The following C2CD2 variants were observed in gnomAD, a reference collection of about 807,000 sequenced individuals.
C2CD2 encodes C2 domain-containing protein 2.
A neutral mutation model predicts 74.3 loss-of-function variants in C2CD2; 43 were observed. The ratio of observed to expected loss-of-function variants is 0.58; its 90% CI spans 0.45 to 0.75. The LOEUF is 0.75. Among genes scored for constraint, C2CD2 ranks in the 30% least tolerant of loss-of-function variants. C2CD2 has a pLI of 0.00. For missense variants in C2CD2, 801 were observed against 916.3 expected, an observed-to-expected ratio of 0.87 and a Z score of 1.63; for synonymous variants, 422 against 390.7, an observed-to-expected ratio of 1.08 and a Z score of -0.94.
At position 41,885,931 on chromosome 21, in the gene C2CD2, G is replaced by A. The variant is rs2064678448; in HGVS notation, c.*3193C>T. The A allele has an allele frequency of 6.6e-6, 1 of 152,494 alleles. No individual in the cohort carries two copies. Among genetic ancestry groups the A allele is most frequent in the Non-Finnish European group, 1.5e-5 (1 of 68,034 alleles). 9.4% of individuals were successfully genotyped at this position (152,494 alleles called of 1,614,324 possible). On this transcript the variant is annotated 3_prime_UTR_variant, in exon 14 of 14. Coordinates refer to ENST00000380486, the MANE Select transcript of C2CD2 (RefSeq NM_015500.2). ...ACTTGAAACTTGACGAAAATAAAGT[G>A]CTCTGTCAAAACTCTCACAGCAGGT...
At position 41,892,519 on chromosome 21, in the gene C2CD2, T is replaced by C. The variant is rs975404642; in HGVS notation, c.1871-3175A>G. ...AGTCCTTAGAACCCAGGCAGCAACA[T>C]GGAGGAGTGGAGGCGGAGAGGACAG... On this transcript the variant is annotated intron_variant, in intron 13 of 13. Coordinates refer to ENST00000380486, the MANE Select transcript of C2CD2 (RefSeq NM_015500.2). This position sits in a 1 kb window ranked among gnomAD's most constrained non-coding sequence, Gnocchi z 4.6. Among the ~76,000 whole-genome samples the C allele has an allele frequency of 3.9e-5, 6 of 152,102 alleles. No individual in the cohort carries two copies. The highest frequency in any genetic ancestry group is 3.9e-4 in the Admixed American group (6 of 15,270).
At position 41,899,873 on chromosome 21, in the gene C2CD2, CGCTTCCTTG is replaced by C. The variant is rs2064872301; in HGVS notation, c.1561-520_1561-512del. Reference sequence around the variant, plus strand: ...AATGAACCTCTGAGAGTCGGGATAGCGCTTCCTTGGAGGGGGGAAAGTTTGGGGAGGAGG... The same window carrying C: ...AATGAACCTCTGAGAGTCGGGATAGCGAGGGGGGAAAGTTTGGGGAGGAGG... On this transcript the variant is annotated intron_variant, in intron 12 of 13. Coordinates refer to ENST00000380486, the MANE Select transcript of C2CD2 (RefSeq NM_015500.2). The surrounding 1 kb of genome is among the most constrained non-coding windows in gnomAD (Gnocchi z 4.4). Among the ~76,000 whole-genome samples the C allele has an allele frequency of 6.7e-6, 1 of 149,306 alleles. No homozygotes were observed.
intron 1 of C2CD2, among the ~76,000 whole-genome samples, chr21:41,951,217 G>A (rs1452049318): frequency 6.6e-6 from 1 of 152,156 alleles, no homozygotes; most frequent in East Asian, 1.9e-4. Context: ...TCACTGACAC[G>A]GCAGCGACGG....
At chr21:41,907,885 C>A in intron 8 of C2CD2, 101 bp from the exon 9 acceptor site, 5 of 1,243,814 alleles carry the variant, frequency 4.0e-6, no homozygotes, top group South Asian at 2.5e-5. Context: ...ACGCTCCTCC[C>A]GTGCATCCAG....
chr21:41,896,408 T>C (rs1400356512), intron 13 of C2CD2, among the ~76,000 whole-genome samples: 1 of 152,110 alleles, frequency 6.6e-6, no homozygotes, highest in Non-Finnish European at 1.5e-5. Context: ...TTTCTTACTG[T>C]TCCAAGTTTT....
rs1438659345 is a variant in C2CD2 at position 41,889,354 on chromosome 21, G to A, written c.1871-10C>T. The stretch of plus-strand genomic sequence containing the variant: ...TTCCTTAGAATTCCTCCTGGAAGAG[G>A]GAGGCACAAGGGCTGGTCAAGTGGG... On this transcript the variant is annotated splice_polypyrimidine_tract_variant and intron_variant, in intron 13 of 13. Coordinates refer to ENST00000380486, the MANE Select transcript of C2CD2 (RefSeq NM_015500.2). The A allele has an allele frequency of 1.3e-6, 2 of 1,592,364 alleles. No individual in the cohort carries two copies. The highest frequency in any genetic ancestry group is 8.6e-7 in the Non-Finnish European group (1 of 1,161,150).
chr21:41,896,724 A>AG lies in C2CD2; in HGVS notation c.1870+2328_1870+2329insC, dbSNP rs1555899689. Among the ~76,000 whole-genome samples the AG allele has an allele frequency of 5.4e-3, 821 of 151,810 alleles. 5 individuals carry two copies. Among genetic ancestry groups the AG allele is most frequent in the Middle Eastern group, 0.034 (10 of 294 alleles). ...TCTTAAACCAAAAAAAAAAAAAAAA[A>AG]AAAAACAAGCTTTAGTTTTTAAAAA... is the stretch of plus-strand genomic sequence containing the variant. On this transcript the variant is annotated intron_variant, in intron 13 of 13. Transcript: ENST00000380486.
At chr21:41,911,134 T>C (rs1230390545) in intron 7 of C2CD2, among the ~76,000 whole-genome samples, 1 of 152,216 alleles carries the variant, frequency 6.6e-6, no homozygotes, top group Non-Finnish European at 1.5e-5. Context: ...AAATTAAGAA[T>C]GGGTATTAAA....
rs1030837125 is a variant in C2CD2, at chr21:41,930,824, T to C, written c.379-8739A>G. On this transcript the variant is annotated intron_variant, in intron 2 of 13. Transcript: ENST00000380486. Reference sequence around the variant, plus strand: ...CTGTCACAGCACAGTTCCTAAGCCCTGATTCACATTCATCTTTTTACTGAT... The same window carrying C: ...CTGTCACAGCACAGTTCCTAAGCCCCGATTCACATTCATCTTTTTACTGAT... 1.5e-4 allele frequency among the ~76,000 whole-genome samples: 22 copies of C among 150,520 alleles called. 3 individuals are homozygous for C. The highest frequency in any genetic ancestry group is 2.8e-4 in the Non-Finnish European group (19 of 67,118).
chr21:41,927,145 A>C (rs2065220503), intron 2 of C2CD2, among the ~76,000 whole-genome samples: 2 of 152,226 alleles, frequency 1.3e-5, no homozygotes, highest in South Asian at 4.1e-4. Context: ...ACTAATTCAA[A>C]ATAAACGGCT....
At chr21:41,947,268 C>T (rs1182787057) in intron 1 of C2CD2, among the ~76,000 whole-genome samples, 2 of 151,524 alleles carry the variant, frequency 1.3e-5, no homozygotes, top group African/African-American at 2.4e-5. Flanking sequence ...AGCAATTCTC[C>T]TGCCTCAGCA....
chr21:41,936,318 G>A (rs886590796), intron 2 of C2CD2, among the ~76,000 whole-genome samples: 3 of 152,142 alleles, frequency 2.0e-5, no homozygotes, highest in African/African-American at 7.2e-5. Flanking sequence ...TCCTTTAGAT[G>A]GCCAACAGGT....
intron 3 of C2CD2, among the ~76,000 whole-genome samples, chr21:41,920,408 G>A (rs967640008): frequency 2.0e-5 from 3 of 152,222 alleles, no homozygotes; most frequent in African/African-American, 4.8e-5. Context: ...AGGGAAGAAC[G>A]ACTTCAGACT....
Position 41,924,918 on chromosome 21 carries a change from A to G in C2CD2, c.379-2833T>C, listed in dbSNP as rs2065193181. On this transcript the variant is annotated intron_variant, in intron 2 of 13. Coordinates refer to ENST00000380486, the MANE Select transcript of C2CD2 (RefSeq NM_015500.2). This position sits in a 1 kb window ranked among gnomAD's most constrained non-coding sequence, Gnocchi z 4.4. ...ACACAGAGAACCAAGCACTTGATTA[A>G]AAGCAAGCAAATAAATAAGTAAATA... 6.6e-6 allele frequency among the ~76,000 whole-genome samples: 1 copy of G among 152,232 alleles called. No individual in the cohort carries two copies. The highest frequency in any genetic ancestry group is 2.4e-5 in the African/African-American group (1 of 41,462).
intron 13 of C2CD2, among the ~76,000 whole-genome samples, chr21:41,890,520 A>T (rs2064739042): frequency 6.6e-6 from 1 of 152,228 alleles, no homozygotes; most frequent in African/African-American, 2.4e-5. Flanking sequence ...GGCAAGGTCG[A>T]GGGAGTAAGC....
Position 41,953,468 on chromosome 21 carries a change from C to T in C2CD2, c.181G>A (p.Asp61Asn). Reference protein sequence around the residue: ...EPGEGPRPGSDALLSWILTLG... With the variant: ...EPGEGPRPGSNALLSWILTLG... ...GTCAGGATCCAGGAGAGCAGCGCGT[C>T]GGACCCCGGGCGCGGCCCCTCTCCA... The change falls in exon 1 of 14, where the codon GAC becomes AAC. Residue 61 changes from aspartate (D) to asparagine (N), a missense_variant. By Grantham distance (23) the Asp-to-Asn change is conservative (BLOSUM62 1). Transcript: ENST00000380486. The T allele has an allele frequency of 6.7e-7, 1 of 1,486,514 alleles. No individual in the cohort carries two copies. The highest frequency in any genetic ancestry group is 9.0e-7 in the Non-Finnish European group (1 of 1,115,522). 92.1% of individuals were successfully genotyped at this position (1,486,514 alleles called of 1,614,324 possible).
In C2CD2 at chr21:41,924,533, T is replaced by C. The variant is rs78206953; in HGVS notation, c.379-2448A>G. Among the ~76,000 whole-genome samples the C allele has an allele frequency of 1.6e-3, 242 of 152,304 alleles. 1 individual carries two copies. In the East Asian group the frequency reaches 0.032, roughly 20 times the overall value. On this transcript the variant is annotated intron_variant, in intron 2 of 13. Coordinates refer to ENST00000380486, the MANE Select transcript of C2CD2 (RefSeq NM_015500.2). The surrounding 1 kb of genome is among the most constrained non-coding windows in gnomAD (Gnocchi z 4.4). Reference sequence around the variant, plus strand: ...GGGCCAGAACAAAAAAATGTTTGTATAAGAAATGTTGTCTATTCATGTTAA... The same window carrying C: ...GGGCCAGAACAAAAAAATGTTTGTACAAGAAATGTTGTCTATTCATGTTAA...
chr21:41,908,176 T>G, intron 8 of C2CD2: 1 of 266,060 alleles, frequency 3.8e-6, no homozygotes, highest in Non-Finnish European at 7.2e-6. Flanking sequence ...AGTATCTCCA[T>G]TCCTGGGAAA....
Position 41,945,837 on chromosome 21 carries a change from T to G in C2CD2, c.280-3592A>C, listed in dbSNP as rs1180604229. 6.6e-6 allele frequency among the ~76,000 whole-genome samples: 1 copy of G among 152,240 alleles called. No homozygotes were observed. The highest frequency in any genetic ancestry group is 1.5e-5 in the Non-Finnish European group (1 of 68,038). ...CCTACCATCATGATTGTAAGTTTCC[T>G]GAGGCTTCCCCAGCCATGTGGAACT... On this transcript the variant is annotated intron_variant, in intron 1 of 13. Transcript: ENST00000380486. The surrounding 1 kb of genome is among the most constrained non-coding windows in gnomAD (Gnocchi z 4.2).
Sources: allele counts gnomAD v4.1 joint callset (sites outside exome capture counted in the v4.1 genomes callset), GRCh38; gene constraint gnomAD v4.1.1; non-coding constraint Gnocchi (gnomAD v3.1); transcripts MANE v1.5; gene names NCBI Gene and HGNC (gene_info 2026-07-23, HGNC 2026-07-21).